SVIL: variants seen among roughly 807,000 people sequenced by gnomAD.
SVIL encodes the protein archvillin.
Under a neutral mutation model 240.4 loss-of-function variants are expected in SVIL, and 101 were observed. That is an observed-to-expected ratio of 0.42 (90% CI 0.36 to 0.50). The LOEUF is 0.50. SVIL is among the 20% of genes least tolerant of loss of function. SVIL has a pLI of 0.01. For missense variants in SVIL, 2,512 were observed against 2,818.7 expected (o/e 0.89, Z 2.46); for synonymous variants, 999 against 1,100.0 (o/e 0.91, Z 1.82).
intron 6 of SVIL, among the ~76,000 whole-genome samples, chr10:29,538,394 G>A (rs144658009): frequency 2.0e-5 from 3 of 152,314 alleles, no homozygotes; most frequent in East Asian, 1.9e-4. Flanking sequence ...CTACCACCAG[G>A]GTGGTGAATA....
At chr10:29,641,438 C>T (rs1283617281) in intron 3 of SVIL, among the ~76,000 whole-genome samples, 3 of 151,770 alleles carry the variant, frequency 2.0e-5, no homozygotes, top group Non-Finnish European at 2.9e-5. Context: ...CATGGTGGTG[C>T]GAGCCTGTAA....
chr10:29,710,064 AT>A (rs34323466), intron 1 of SVIL, among the ~76,000 whole-genome samples: 273 of 142,786 alleles, frequency 1.9e-3, no homozygotes, highest in Middle Eastern at 3.6e-3. Flanking sequence ...TTCTTTCTTA[AT>A]TTTTTTTTTT....
chr10:29,712,169 A>G (rs1302453486), intron 1 of SVIL, among the ~76,000 whole-genome samples: 7 of 152,228 alleles, frequency 4.6e-5, no homozygotes, highest in African/African-American at 1.4e-4. Context: ...CAGTATTTAC[A>G]TTAACACTGC....
At chr10:29,527,420 AT>A (rs377704029) in intron 12 of SVIL, among the ~76,000 whole-genome samples, 47 of 151,998 alleles carry the variant, frequency 3.1e-4, no homozygotes, top group African/African-American at 1.0e-3. Flanking sequence ...TTCCAATCTA[AT>A]TTTTTTCTTT....
At chr10:29,678,464 G>A (rs1337511994) in intron 2 of SVIL, among the ~76,000 whole-genome samples, 2 of 152,156 alleles carry the variant, frequency 1.3e-5, no homozygotes, top group African/African-American at 2.4e-5. Flanking sequence ...GCAATGGGGA[G>A]CAACTGCAAA....
chr10:29,610,307 C>T (rs1957194963), intron 1 of SVIL, among the ~76,000 whole-genome samples: 1 of 152,054 alleles, frequency 6.6e-6, no homozygotes, highest in African/African-American at 2.4e-5. Flanking sequence ...CTGGTGGTGT[C>T]TCCTCCTCCT....
intron 3 of SVIL, among the ~76,000 whole-genome samples, chr10:29,649,078 T>C (rs1280982442): frequency 6.6e-6 from 1 of 152,164 alleles, no homozygotes; most frequent in East Asian, 1.9e-4. Flanking sequence ...GAGGATCCTT[T>C]AAGCCCAAGA....
At chr10:29,625,953 G>C (rs1359313974) in intron 1 of SVIL, among the ~76,000 whole-genome samples, 1 of 152,086 alleles carries the variant, frequency 6.6e-6, no homozygotes, top group Non-Finnish European at 1.5e-5. Context: ...AATGCAAATT[G>C]TATATACTCA....
chr10:29,542,355 G>T (rs1386837645), intron 6 of SVIL, among the ~76,000 whole-genome samples: 1 of 152,170 alleles, frequency 6.6e-6, no homozygotes, highest in Non-Finnish European at 1.5e-5. Flanking sequence ...ATCTCTTAAA[G>T]CTTCTACTAA....
Position 29,726,980 on chromosome 10 carries a change from CT to C in SVIL, c.-400+8770del, listed in dbSNP as rs1964328754. Among the ~76,000 whole-genome samples, 3 of 152,250 alleles carry C rather than the reference CT, an allele frequency of 2.0e-5. No individual in the cohort carries two copies. In the South Asian group the frequency reaches 6.2e-4, roughly 32 times the overall value. The stretch of plus-strand genomic sequence containing the variant: ...AAGCTCCGTGAAGGCAGGATTCACT[CT>C]ATATTCTCAATAACAAGCATTAAAT... On this transcript the variant is annotated intron_variant, in intron 1 of 35. Coordinates refer to the SVIL transcript ENST00000375400.
At chr10:29,694,808 A>G (rs2132623481) in intron 1 of SVIL, among the ~76,000 whole-genome samples, 1 of 152,336 alleles carries the variant, frequency 6.6e-6, no homozygotes, top group East Asian at 1.9e-4. Flanking sequence ...CTAAGGAAGA[A>G]CTTGGAATTT....
Position 29,533,368 on chromosome 10 carries a change from C to G in SVIL, c.999G>C (p.Gln333His). 1 of 1,614,186 alleles carries G rather than the reference C, an allele frequency of 6.2e-7. No individual in the cohort carries two copies. Among genetic ancestry groups the G allele is most frequent in the Non-Finnish European group, 8.5e-7 (1 of 1,180,044 alleles). ...ATGACACGTAATGGACTGGCGCTGG[C>G]TGGTGTCTCCTCTGAGTTACGGACT... ...ASESVTQRRH[Q>H]PAPVHYVSFQ... Residue 333 changes from glutamine to histidine, a missense_variant, in exon 8 of 38, where the codon CAG (glutamine) becomes CAC (histidine). This residue lies in a region of SVIL where 1,443 missense variants were observed against 1,486.6 expected (regional missense o/e 0.97). Transcript: ENST00000355867.
At chr10:29,479,797 A>G (rs1455562009) in intron 29 of SVIL, among the ~76,000 whole-genome samples, 1 of 151,952 alleles carries the variant, frequency 6.6e-6, no homozygotes. Context: ...AGGCAAAAAT[A>G]CTCTCTTCTG....
chr10:29,729,453 GTGTGTGTGTGT>G (rs1564368914), intron 1 of SVIL, among the ~76,000 whole-genome samples: 2,961 of 20,074 alleles, frequency 0.15, 73 homozygotes, highest in African/African-American at 0.2. Flanking sequence ...TTATGGAGGT[GTGTGTGTGTGT>G]GTGTGTGTGT....
At chr10:29,674,382 G>T (rs1275768514) in intron 2 of SVIL, among the ~76,000 whole-genome samples, 3 of 152,226 alleles carry the variant, frequency 2.0e-5, no homozygotes, top group African/African-American at 7.2e-5. Context: ...GGTTAGAAAA[G>T]ATTCATTCAT....
At chr10:29,701,332 G>A (rs1962499155) in intron 1 of SVIL, among the ~76,000 whole-genome samples, 1 of 129,244 alleles carries the variant, frequency 7.7e-6, no homozygotes, top group South Asian at 2.7e-4. Context: ...CTCCAAGAGA[G>A]AATAAGGCCA....
intron 1 of SVIL, among the ~76,000 whole-genome samples, chr10:29,731,285 C>T (rs1341238389): frequency 2.0e-5 from 3 of 152,198 alleles, no homozygotes; most frequent in Non-Finnish European, 2.9e-5. Flanking sequence ...TATAAACACT[C>T]AACAGAAGAT....
intron 2 of SVIL, among the ~76,000 whole-genome samples, chr10:29,658,700 G>A (rs913839406): frequency 1.3e-5 from 2 of 152,192 alleles, no homozygotes; most frequent in Admixed American, 6.5e-5. Context: ...AGGCTGCAGT[G>A]AGCCATGTTT....
intron 2 of SVIL, among the ~76,000 whole-genome samples, chr10:29,673,646 TGCGAGAACTCACTATC>T (rs937263743): frequency 9.9e-5 from 15 of 151,274 alleles, no homozygotes; most frequent in South Asian, 2.1e-4. Context: ...CATCAGATCT[TGCGAGAACTCACTATC>T]GCGAGAACTC....
Sources: gnomAD v4.1 joint callset for allele counts (sites outside exome capture counted in the v4.1 genomes callset) on GRCh38, gnomAD v4.1.1 for gene constraint, gnomAD v4.1.1 regional missense constraint, MANE v1.5 for transcripts, NCBI Gene and HGNC (gene_info 2026-07-23, HGNC 2026-07-21) for gene names.